Variants in EVC observed in about 807,000 individuals in gnomAD.
The protein encoded by EVC is EvC ciliary complex subunit 1.
Under a neutral mutation model 118.9 loss-of-function variants are expected in EVC, and 116 were observed. The observed-to-expected ratio is 0.98, with a 90% CI of 0.84 to 1.14. The LOEUF is 1.14. Ranked by LOEUF, EVC falls within the 50% of genes most tolerant of loss-of-function variation. The probability of loss-of-function intolerance (pLI) is 0.00; values close to 1 mark genes in which losing one functional copy is unlikely to be tolerated. For missense variants in EVC, 1,401 were observed against 1,246.4 expected, an observed-to-expected ratio of 1.12 and a Z score of -1.87; for synonymous variants, 619 against 534.7, an observed-to-expected ratio of 1.16 and a Z score of -2.18.
At chr4:5,793,267 G>A (rs1321375465) in intron 12 of EVC, among the ~76,000 whole-genome samples, 1 of 152,004 alleles carries the variant, frequency 6.6e-6, no homozygotes, top group East Asian at 1.9e-4. Context: ...TTAGAGGAAA[G>A]CCAGAAAAAA....
rs1390359062 is a variant in EVC, at chr4:5,711,301, C to G, written c.-80C>G. 5 of 960,710 alleles carry G rather than the reference C, an allele frequency of 5.2e-6. No individual in the cohort carries two copies. In the African/African-American group the frequency reaches 8.8e-5, roughly 17 times the overall value. The allele number at this position is 960,710 out of a possible 1,614,324, so 59.5% of individuals were successfully genotyped here. ...GCCGCGCCCCTGGCCCGCCCGGGCT[C>G]CAAGTCCCGCGTCGCCGCCCTGGCG... On this transcript the variant is annotated 5_prime_UTR_variant, in exon 1 of 21. Coordinates refer to ENST00000264956, the MANE Select transcript of EVC (RefSeq NM_153717.3).
At chr4:5,823,011 A>G in the EVC span, among the ~76,000 whole-genome samples, 1 of 152,012 alleles carries the variant, frequency 6.6e-6, no homozygotes, top group Non-Finnish European at 1.5e-5. Flanking sequence ...AATACATCTG[A>G]CTTTCTTTAC....
rs747624276 is a variant in EVC, at chr4:5,749,353, A to AAT, written c.1098+1048_1098+1049insTA. On this transcript the variant is annotated intron_variant, in intron 8 of 20. Coordinates refer to ENST00000264956, the MANE Select transcript of EVC (RefSeq NM_153717.3). The surrounding 1 kb of genome is among the most constrained non-coding windows in gnomAD (Gnocchi z 4.4). ...TAGCTGATGAGCGGAAAAAAAAAAAAAAAAAAAGGTCCCTCCTTATTTTTG... is the reference window on the plus strand; with the variant it reads ...TAGCTGATGAGCGGAAAAAAAAAAAAATAAAAAAAGGTCCCTCCTTATTTTTG... Among the ~76,000 whole-genome samples, 8 of 151,906 alleles carry AAT rather than the reference A, an allele frequency of 5.3e-5. No homozygotes were observed. Among genetic ancestry groups the AAT allele is most frequent in the Non-Finnish European group, 7.4e-5 (5 of 67,976 alleles).
Position 5,749,302 on chromosome 4 carries a change from C to T in EVC, c.1098+996C>T, listed in dbSNP as rs1729980454. Among the ~76,000 whole-genome samples, 1 of 137,566 alleles carries T rather than the reference C, an allele frequency of 7.3e-6. No individual in the cohort carries two copies. Among genetic ancestry groups the T allele is most frequent in the Non-Finnish European group, 1.5e-5 (1 of 65,844 alleles). The allele number at this position is 137,566 out of a possible 152,430, so 90.2% of individuals were successfully genotyped here. On this transcript the variant is annotated intron_variant, in intron 8 of 20. Coordinates refer to ENST00000264956, the MANE Select transcript of EVC (RefSeq NM_153717.3). This position sits in a 1 kb window ranked among gnomAD's most constrained non-coding sequence, Gnocchi z 4.4. ...GAAGAAGAAGAATTGTCTTAGGCCACACATAAAATACATTAACACTAACGA... is the reference window on the plus strand; with the variant it reads ...GAAGAAGAAGAATTGTCTTAGGCCATACATAAAATACATTAACACTAACGA...
At position 5,748,232 on chromosome 4, in the gene EVC, C is replaced by T. The variant is rs1298720783; in HGVS notation, c.1024C>T (p.Leu342=). 2 of 1,614,158 alleles carry T rather than the reference C, an allele frequency of 1.2e-6. No individual in the cohort carries two copies. The highest frequency in any genetic ancestry group is 2.2e-5 in the East Asian group (1 of 44,868). ...FKCSSSKARQ[L]MMTLTERMIA... The stretch of plus-strand genomic sequence containing the variant: ...GTGTTCCAGCTCCAAAGCCCGACAG[C>T]TGATGATGACTCTGACGGAAAGAAT... Residue 342 remains leucine, a synonymous_variant, in exon 8 of 21, where the codon CTG becomes TTG. Transcript: ENST00000264956.
intron 11 of EVC, among the ~76,000 whole-genome samples, chr4:5,757,729 C>T (rs1414308292): frequency 6.6e-5 from 10 of 152,204 alleles, no homozygotes; most frequent in African/African-American, 2.4e-4. Flanking sequence ...ATTAGGGCCC[C>T]ACCCTGATGA....
chr4:5,802,365 C>T (rs1463664540), intron 16 of EVC, among the ~76,000 whole-genome samples: 2 of 152,116 alleles, frequency 1.3e-5, no homozygotes, highest in Non-Finnish European at 2.9e-5. Context: ...GAGTCAGGGC[C>T]AGGGCTTATC....
At chr4:5,740,483 A>G (rs565530501) in intron 5 of EVC, among the ~76,000 whole-genome samples, 82 of 151,384 alleles carry the variant, frequency 5.4e-4, no homozygotes, top group African/African-American at 8.5e-4. Flanking sequence ...AAAAAAAAAA[A>G]AAAAGAAAAA....
chr4:5,761,317 G>A (rs572701315), intron 11 of EVC, among the ~76,000 whole-genome samples: 1 of 151,974 alleles, frequency 6.6e-6, no homozygotes, highest in East Asian at 1.9e-4. Flanking sequence ...CTGGGTCCAG[G>A]GTCCTGGGTG....
chr4:5,766,783 G>T (rs1291955921), intron 11 of EVC, among the ~76,000 whole-genome samples: 8 of 136,058 alleles, frequency 5.9e-5, no homozygotes, highest in Admixed American at 5.1e-4. Context: ...CTCTGTATTG[G>T]TTATTCTAGT....
chr4:5,791,822 A>G (rs1174094853), intron 12 of EVC, among the ~76,000 whole-genome samples: 4 of 152,016 alleles, frequency 2.6e-5, no homozygotes, highest in Non-Finnish European at 5.9e-5. Context: ...AACACTGTCC[A>G]ACTCCCCACC....
chr4:5,767,618 G>T (rs888745936), intron 11 of EVC, among the ~76,000 whole-genome samples: 1 of 151,782 alleles, frequency 6.6e-6, no homozygotes, highest in Non-Finnish European at 1.5e-5. Flanking sequence ...CGTTTTTTAA[G>T]CCCGTCGGAA....
At position 5,743,687 on chromosome 4, in the gene EVC, G is replaced by A. The variant is rs1728950806; in HGVS notation, c.802-1517G>A. Among the ~76,000 whole-genome samples the A allele has an allele frequency of 6.6e-6, 1 of 152,160 alleles. No individual in the cohort carries two copies. Among genetic ancestry groups the A allele is most frequent in the South Asian group, 2.1e-4 (1 of 4,830 alleles). On this transcript the variant is annotated intron_variant, in intron 6 of 20. Coordinates refer to ENST00000264956, the MANE Select transcript of EVC (RefSeq NM_153717.3). The surrounding 1 kb of genome is among the most constrained non-coding windows in gnomAD (Gnocchi z 4.7). ...AGGATGACTCACTGCATCCCAGGAA[G>A]GAGGAAGGACATCATCATCTTCACT...
rs527918602 is a variant in EVC at position 5,781,162 on chromosome 4, A to G, written c.1564-2390A>G. ...TCAGAGTGCCTTGCCAGAAAAGGAG[A>G]CCTCGAATTGATTTTTGGAACATGT... On this transcript the variant is annotated intron_variant, in intron 11 of 20. Coordinates refer to ENST00000264956, the MANE Select transcript of EVC (RefSeq NM_153717.3). Among the ~76,000 whole-genome samples, 5 of 152,158 alleles carry G rather than the reference A, an allele frequency of 3.3e-5. No homozygotes were observed. In the East Asian group the frequency reaches 7.8e-4, roughly 24 times the overall value.
chr4:5,801,186 G>A (rs1207402603), intron 15 of EVC, among the ~76,000 whole-genome samples: 3 of 152,200 alleles, frequency 2.0e-5, no homozygotes, highest in Admixed American at 1.3e-4. Context: ...GGGGAGGTGC[G>A]TGACCCAGGC....
chr4:5,821,514 G>A, the EVC span: 1 of 532,904 alleles, frequency 1.9e-6, no homozygotes, highest in Non-Finnish European at 3.4e-6. This position sits in a 1 kb window ranked among gnomAD's most constrained non-coding sequence, Gnocchi z 4.4. Flanking sequence ...CACTAGGAAG[G>A]GGGAATGAAA....
chr4:5,799,433 G>T (rs181902326), intron 15 of EVC, among the ~76,000 whole-genome samples: 1 of 152,112 alleles, frequency 6.6e-6, no homozygotes, highest in Non-Finnish European at 1.5e-5. Flanking sequence ...TTTTCTTCCC[G>T]TTGGGAAAAA....
chr4:5,828,315 C>T, the EVC span: 1 of 985,074 alleles, frequency 1.0e-6, no homozygotes, highest in Non-Finnish European at 1.2e-6. Flanking sequence ...GATGCTCACT[C>T]CTGTCCTCAG....
chr4:5,814,493 C>A (rs1577683390), downstream of EVC, among the ~76,000 whole-genome samples: 1 of 152,192 alleles, frequency 6.6e-6, no homozygotes, highest in African/African-American at 2.4e-5. Context: ...TCTCCTGCCC[C>A]TGCCATCCGC....
Sources: allele counts gnomAD v4.1 joint callset (sites outside exome capture counted in the v4.1 genomes callset), GRCh38; gene constraint gnomAD v4.1.1; non-coding constraint Gnocchi (gnomAD v3.1); transcripts MANE v1.5; gene names NCBI Gene and HGNC (gene_info 2026-07-23, HGNC 2026-07-21).